Variants in INTS8 observed in about 807,000 individuals in gnomAD.
INTS8 encodes the protein integrator complex subunit 8.
Under a neutral mutation model 138.9 loss-of-function variants are expected in INTS8, and 47 were observed. That is an observed-to-expected ratio of 0.34 (90% confidence interval 0.27 to 0.43). The LOEUF (loss-of-function observed/expected upper bound fraction) is 0.43, where lower values mean the gene tolerates loss of function less well. Ranked by LOEUF, INTS8 falls within the 20% of genes least tolerant of loss-of-function variation. The pLI is 1.00. For missense variants in INTS8, 996 were observed against 1,173.0 expected, an observed-to-expected ratio of 0.85 and a Z score of 2.20; for synonymous variants, 392 against 400.9, an observed-to-expected ratio of 0.98 and a Z score of 0.27.
intron 26 of INTS8, chr8:94,876,787 T>G: frequency 4.1e-6 from 1 of 241,536 alleles, no homozygotes; most frequent in Non-Finnish European, 7.8e-6. Context: ...ACTTGACCTC[T>G]AGCCTGTCCG....
At chr8:94,836,256 C>T (rs932079721) in intron 6 of INTS8, among the ~76,000 whole-genome samples, 2 of 152,060 alleles carry the variant, frequency 1.3e-5, no homozygotes, top group African/African-American at 2.4e-5. Flanking sequence ...CCTCCTTTGC[C>T]CTTTTTTCTA....
chr8:94,881,733 A>G lies in INTS8; in HGVS notation c.*1499A>G. On this transcript the variant is annotated 3_prime_UTR_variant, in exon 27 of 27. Transcript: ENST00000523731. ...CCCCCTTTTCTGAAGGTGTTTATGTAATTTACTTCCTCCTATACATGGGAA... is the reference window on the plus strand; with the variant it reads ...CCCCCTTTTCTGAAGGTGTTTATGTGATTTACTTCCTCCTATACATGGGAA... 1 of 1,613,798 alleles carries G rather than the reference A, an allele frequency of 6.2e-7. No individual in the cohort carries two copies. The highest frequency in any genetic ancestry group is 1.7e-5 in the Admixed American group (1 of 60,012).
intron 12 of INTS8, 104 bp from the exon 13 acceptor site, chr8:94,851,449 A>G: frequency 2.8e-6 from 2 of 710,334 alleles, no homozygotes; most frequent in Non-Finnish European, 4.2e-6. Context: ...AGATGATAGC[A>G]GCTTTTAATT....
chr8:94,859,371 C>T, intron 15 of INTS8, 140 bp from the exon 16 acceptor site: 6 of 736,430 alleles, frequency 8.1e-6, no homozygotes, highest in Non-Finnish European at 1.3e-5. Flanking sequence ...GCCTTGGCCT[C>T]CCAAAGTGTT....
chr8:94,848,667 C>T (rs1348316406), intron 10 of INTS8, among the ~76,000 whole-genome samples: 1 of 152,058 alleles, frequency 6.6e-6, no homozygotes, highest in Non-Finnish European at 1.5e-5. Flanking sequence ...CTGAATAATA[C>T]TTAATTGAAT....
At chr8:94,823,627 C>T (rs1178206393) in intron 1 of INTS8, 66 bp downstream of exon 1, 10 of 1,279,236 alleles carry the variant, frequency 7.8e-6, no homozygotes, top group Non-Finnish European at 1.1e-5. Flanking sequence ...CAGCTTCCCT[C>T]CGCTCCCCGC....
Position 94,867,291 on chromosome 8 carries a change from G to A in INTS8, c.2368G>A (p.Asp790Asn). Residue 790 changes from aspartate (D) to asparagine (N), a missense_variant, in exon 20 of 27, where the codon GAT becomes AAT. By Grantham distance (23) the Asp-to-Asn change is conservative. Transcript: ENST00000523731. ...LHNVREDIVN[D>N]ITAEHISIWP... The stretch of plus-strand genomic sequence containing the variant: ...CTTTTTAAAGGAGGACATTGTGAAT[G>A]ATATTACAGCTGAACACATTTCTAT... 6.2e-7 allele frequency: 1 copy of A among 1,611,432 alleles called. No homozygotes were observed. Among genetic ancestry groups the A allele is most frequent in the Non-Finnish European group, 8.5e-7 (1 of 1,178,736 alleles).
At chr8:94,875,907 C>G (rs1316519808) in intron 23 of INTS8, 167 bp from the exon 24 acceptor site, 1 of 572,616 alleles carries the variant, frequency 1.7e-6, no homozygotes. Context: ...GAATATTGGT[C>G]AGACAGACAC....
chr8:94,842,303 T>C (rs746255183), intron 9 of INTS8, 44 bp from the exon 10 acceptor site: 1 of 1,333,848 alleles, frequency 7.5e-7, no homozygotes, highest in South Asian at 1.4e-5. Context: ...ACCTTTCTTT[T>C]GTAGTAAAAA....
intron 7 of INTS8, 85 bp from the exon 8 acceptor site, chr8:94,838,378 T>C (rs1329869415): frequency 1.2e-5 from 14 of 1,185,788 alleles, no homozygotes; most frequent in Non-Finnish European, 1.7e-5. Flanking sequence ...AGCATTTCCT[T>C]GTACTGTTAA....
chr8:94,873,968 G>T (rs1393450755), intron 22 of INTS8, among the ~76,000 whole-genome samples: 2 of 151,528 alleles, frequency 1.3e-5, no homozygotes. Flanking sequence ...ATATATTTAA[G>T]ATATACAGAA....
chr8:94,823,308 T>C lies in INTS8; in HGVS notation c.-124T>C. ...CGCCGCCATTTTGGATTGTGTGAGT[T>C]TCCGGGACGTTCGGAGGGTGGCCTC... is the stretch of plus-strand genomic sequence containing the variant. On this transcript the variant is annotated 5_prime_UTR_variant, in exon 1 of 27. Transcript: ENST00000523731. 2 of 1,522,218 alleles carry C rather than the reference T, an allele frequency of 1.3e-6. No homozygotes were observed. Among genetic ancestry groups the C allele is most frequent in the Non-Finnish European group, 1.8e-6 (2 of 1,139,478 alleles). 94.3% of individuals were successfully genotyped at this position (1,522,218 alleles called of 1,614,324 possible).
chr8:94,865,371 A>T (rs1228309046), intron 16 of INTS8, 135 bp from the exon 17 acceptor site: 3 of 666,456 alleles, frequency 4.5e-6, no homozygotes, highest in Non-Finnish European at 7.7e-6. Flanking sequence ...GTTGTACAGA[A>T]TGCACAGCAT....
rs1816822629 is a variant in INTS8, at chr8:94,881,726, T to C, written c.*1492T>C. 1.9e-6 allele frequency: 3 copies of C among 1,613,670 alleles called. No homozygotes were observed. Among genetic ancestry groups the C allele is most frequent in the African/African-American group, 2.7e-5 (2 of 74,900 alleles). On this transcript the variant is annotated 3_prime_UTR_variant, in exon 27 of 27. Transcript: ENST00000523731. ...CAACTGTCCCCCTTTTCTGAAGGTG[T>C]TTATGTAATTTACTTCCTCCTATAC...
chr8:94,836,649 A>G lies in INTS8; in HGVS notation c.861+18A>G. The G allele has an allele frequency of 6.9e-7, 1 of 1,448,060 alleles. No individual in the cohort carries two copies. The highest frequency in any genetic ancestry group is 1.2e-5 in the South Asian group (1 of 86,680). 89.7% of individuals were successfully genotyped at this position (1,448,060 alleles called of 1,614,324 possible). A position where few individuals can be genotyped will look rare whatever the true frequency, so the allele number is the denominator to read the frequency against. ...TTGCAGAGGTAAATCCAGTCATAAT[A>G]GGAACTTAATGTTCAGTTCTTTAAA... On this transcript the variant is annotated intron_variant, in intron 7 of 26. Coordinates refer to ENST00000523731, the MANE Select transcript of INTS8 (RefSeq NM_017864.4).
intron 10 of INTS8, among the ~76,000 whole-genome samples, chr8:94,844,611 G>C (rs1276940740): frequency 2.0e-5 from 3 of 151,950 alleles, no homozygotes; most frequent in Non-Finnish European, 4.4e-5. Context: ...GCCGTGCCCG[G>C]CCATGTTATG....
chr8:94,874,843 G>A (rs1445621256), intron 23 of INTS8, among the ~76,000 whole-genome samples: 1 of 152,072 alleles, frequency 6.6e-6, no homozygotes, highest in African/African-American at 2.4e-5. Flanking sequence ...CATTTTTCAG[G>A]TTTTTAAAGA....
At chr8:94,834,362 G>GGT (rs35147334) in intron 6 of INTS8, among the ~76,000 whole-genome samples, 6,976 of 144,472 alleles carry the variant, frequency 0.048, 209 homozygotes, top group African/African-American at 0.085. Context: ...TATGTGCATG[G>GGT]GTGTGTGTGT....
chr8:94,862,790 T>C (rs1816039223), intron 16 of INTS8, among the ~76,000 whole-genome samples: 3 of 151,952 alleles, frequency 2.0e-5, no homozygotes, highest in Admixed American at 2.0e-4. Context: ...GAATGAGGGA[T>C]TGTGTTTTGA....
Sources: allele counts gnomAD v4.1 joint callset (sites outside exome capture counted in the v4.1 genomes callset), GRCh38; gene constraint gnomAD v4.1.1; transcripts MANE v1.5; gene names NCBI Gene and HGNC (gene_info 2026-07-23, HGNC 2026-07-21).